Variants in SLC9A4 observed in about 807,000 individuals in gnomAD.
SLC9A4 encodes the protein sodium/hydrogen exchanger 4.
In SLC9A4, 63 loss-of-function variants were observed where a neutral mutation model predicts 67.4. The ratio of observed to expected loss-of-function variants is 0.93; its 90% CI spans 0.76 to 1.15. The LOEUF (loss-of-function observed/expected upper bound fraction) is 1.15, where lower values mean the gene tolerates loss of function less well. SLC9A4 is among the 50% of genes most tolerant of loss of function. SLC9A4 has a pLI of 0.00. For missense variants in SLC9A4, 1,089 were observed against 987.7 expected (o/e 1.10, Z -1.38); for synonymous variants, 393 against 367.2 (o/e 1.07, Z -0.80).
intron 2 of SLC9A4, among the ~76,000 whole-genome samples, chr2:102,486,795 G>C (rs1460630892): frequency 6.6e-6 from 1 of 152,202 alleles, no homozygotes; most frequent in Admixed American, 6.5e-5. Context: ...CACAGGGCAG[G>C]TGATACACAA....
At chr2:102,511,910 T>C (rs1165354624) in intron 6 of SLC9A4, among the ~76,000 whole-genome samples, 1 of 152,106 alleles carries the variant, frequency 6.6e-6, no homozygotes, top group Non-Finnish European at 1.5e-5. Context: ...AGAAATTTCC[T>C]AGATCATTCT....
In SLC9A4 at chr2:102,484,979, A is replaced by G. The variant is rs536623567; in HGVS notation, c.720+5677A>G. Among the ~76,000 whole-genome samples the G allele has an allele frequency of 3.9e-5, 6 of 152,180 alleles. No individual in the cohort carries two copies. In the East Asian group the frequency reaches 9.7e-4, roughly 25 times the overall value. ...ATAGTGGGAGGGGAAGTGGAGCTAA[A>G]TGTTCTGAGCACTGGGCCATTCACC... On this transcript the variant is annotated intron_variant, in intron 2 of 11. Transcript: ENST00000295269.
At chr2:102,503,322 A>T in intron 2 of SLC9A4, 126 bp from the exon 3 acceptor site, 1 of 869,312 alleles carries the variant, frequency 1.2e-6, no homozygotes, top group Non-Finnish European at 1.7e-6. Flanking sequence ...CAGTCATCTT[A>T]GTATTTTTTG....
rs1274778279 is a variant in SLC9A4 at position 102,505,423 on chromosome 2, G to C, written c.1150G>C (p.Ala384Pro). ...GGGCAAGAATCACGAGTGGAACTGG[G>C]CCTTCATCTGCTTCACCCTGGCCTT... ...TVGKNHEWNW[A>P]FICFTLAFCQ... is the part of the protein sequence containing the mutation. Residue 384 changes from alanine (A) to proline (P), a missense_variant, in exon 4 of 12, where the codon GCC becomes CCC. By Grantham distance (27) the Ala-to-Pro change is conservative. Transcript: ENST00000295269. 6.2e-7 allele frequency: 1 copy of C among 1,614,178 alleles called. No homozygotes were observed. The highest frequency in any genetic ancestry group is 1.3e-5 in the African/African-American group (1 of 75,052).
At chr2:102,503,833 G>T in intron 3 of SLC9A4, 126 bp downstream of exon 3, 1 of 1,328,662 alleles carries the variant, frequency 7.5e-7, no homozygotes, top group South Asian at 1.5e-5. Context: ...TGCAGATTTA[G>T]GATCTTCTAA....
At position 102,495,179 on chromosome 2, in the gene SLC9A4, G is replaced by A. The variant is rs1336556943; in HGVS notation, c.721-8269G>A. On this transcript the variant is annotated intron_variant, in intron 2 of 11. Coordinates refer to ENST00000295269, the MANE Select transcript of SLC9A4 (RefSeq NM_001011552.4). ...TTAAAAATATATTTAAAATATCTAG[G>A]AAAGTCTTAATATTTGGAAATTAAA... 2.0e-5 allele frequency among the ~76,000 whole-genome samples: 3 copies of A among 151,770 alleles called. No homozygotes were observed. In the East Asian group the frequency reaches 5.8e-4, roughly 29 times the overall value.
At chr2:102,526,179 T>C (rs982842362) in intron 10 of SLC9A4, 80 bp from the exon 11 acceptor site, 6 of 1,437,260 alleles carry the variant, frequency 4.2e-6, no homozygotes, top group African/African-American at 2.8e-5. Flanking sequence ...TGAGCCACAG[T>C]GTCTGGCCCT....
chr2:102,482,638 G>T (rs1321275200), intron 2 of SLC9A4, among the ~76,000 whole-genome samples: 1 of 152,084 alleles, frequency 6.6e-6, no homozygotes, highest in Non-Finnish European at 1.5e-5. Context: ...CTTTCACTCA[G>T]ATCCAAGTTT....
In SLC9A4 at chr2:102,528,101, G is replaced by A. The variant is rs200498325; in HGVS notation, c.2038+1755G>A. ...TGGCTCACTGTAACCTCTGCCTCTTGAGTTCAAGCGATTCTCCTGGCTCAG... is the reference window on the plus strand; with the variant it reads ...TGGCTCACTGTAACCTCTGCCTCTTAAGTTCAAGCGATTCTCCTGGCTCAG... On this transcript the variant is annotated intron_variant, in intron 11 of 11. Coordinates refer to ENST00000295269, the MANE Select transcript of SLC9A4 (RefSeq NM_001011552.4). 9.9e-5 allele frequency among the ~76,000 whole-genome samples: 15 copies of A among 152,160 alleles called. No individual in the cohort carries two copies. The East Asian group carries it at 2.9e-3, about 29-fold the overall frequency.
Position 102,519,911 on chromosome 2 carries a change from A to G in SLC9A4, c.1774A>G (p.Ile592Val). The change falls in exon 9 of 12, where the codon ATA (isoleucine) becomes GTA (valine). Residue 592 changes from isoleucine to valine, a missense_variant. By Grantham distance (29) the Ile-to-Val change is conservative. Transcript: ENST00000295269. ...KRLSPEDVES[I>V]RDILTSNMYQ... ...ACTTTCCCCTGAAGATGTGGAGTCC[A>G]TAAGGGACATTCTGACATCCAACAT... 3 of 1,613,848 alleles carry G rather than the reference A, an allele frequency of 1.9e-6. No individual in the cohort carries two copies. Among genetic ancestry groups the G allele is most frequent in the African/African-American group, 1.3e-5 (1 of 75,038 alleles).
Position 102,519,852 on chromosome 2 carries a change from A to G in SLC9A4, c.1722-7A>G. 1 of 1,613,004 alleles carries G rather than the reference A, an allele frequency of 6.2e-7. No homozygotes were observed. Among genetic ancestry groups the G allele is most frequent in the Non-Finnish European group, 8.5e-7 (1 of 1,179,372 alleles). ...AATGTTTGTCTCTTCTCCAATAATG[A>G]TTCCAGGGCCCAGAGGATACAAGGA... On this transcript the variant is annotated splice_region_variant and splice_polypyrimidine_tract_variant and intron_variant, in intron 8 of 11. Coordinates refer to ENST00000295269, the MANE Select transcript of SLC9A4 (RefSeq NM_001011552.4).
chr2:102,525,665 T>C (rs1203412354), intron 10 of SLC9A4, among the ~76,000 whole-genome samples: 1 of 151,940 alleles, frequency 6.6e-6, no homozygotes, highest in East Asian at 2.0e-4. Context: ...TTACTGGCAA[T>C]TTGAATGGAG....
At chr2:102,526,848 T>C (rs534443871) in intron 11 of SLC9A4, among the ~76,000 whole-genome samples, 4 of 152,210 alleles carry the variant, frequency 2.6e-5, no homozygotes, top group Admixed American at 1.3e-4. Context: ...ATTCTTAGAA[T>C]TATTGAAACT....
chr2:102,502,122 G>T (rs1459828402), intron 2 of SLC9A4, among the ~76,000 whole-genome samples: 3 of 152,120 alleles, frequency 2.0e-5, no homozygotes. Context: ...TGATTTCGCA[G>T]GACTCTTCAG....
chr2:102,474,055 A>G (rs1437688174), intron 1 of SLC9A4, 40 bp downstream of exon 1: 2 of 1,594,620 alleles, frequency 1.3e-6, no homozygotes, highest in Admixed American at 3.4e-5. Flanking sequence ...TTATCTTTTT[A>G]CATAAGATAG....
intron 2 of SLC9A4, among the ~76,000 whole-genome samples, chr2:102,493,088 C>T (rs1684736315): frequency 6.6e-6 from 1 of 152,186 alleles, no homozygotes; most frequent in African/African-American, 2.4e-5. Flanking sequence ...AGCATTTTGG[C>T]CAAAGCCATT....
intron 7 of SLC9A4, among the ~76,000 whole-genome samples, 183 bp downstream of exon 7, chr2:102,512,456 G>A (rs1176451210): frequency 6.6e-6 from 1 of 152,202 alleles, no homozygotes; most frequent in Non-Finnish European, 1.5e-5. Flanking sequence ...GAATTGTCAG[G>A]TGGAAGACGC....
At chr2:102,475,574 T>A (rs1684313358) in intron 1 of SLC9A4, among the ~76,000 whole-genome samples, 1 of 152,170 alleles carries the variant, frequency 6.6e-6, no homozygotes, top group Admixed American at 6.5e-5. Context: ...ACTGTGAAAA[T>A]ACGATTATTC....
At chr2:102,487,281 T>G (rs78136548) in intron 2 of SLC9A4, among the ~76,000 whole-genome samples, 13,120 of 151,890 alleles carry the variant, frequency 0.086, 665 homozygotes, top group Non-Finnish European at 0.12. Flanking sequence ...TAGCTTGTGA[T>G]GAAGAGCTTG....
Sources: gnomAD v4.1 joint callset for allele counts (sites outside exome capture counted in the v4.1 genomes callset) on GRCh38, gnomAD v4.1.1 for gene constraint, MANE v1.5 for transcripts, NCBI Gene and HGNC (gene_info 2026-07-23, HGNC 2026-07-21) for gene names.